The following CNIH3 variants were observed in gnomAD, a reference collection of about 807,000 sequenced individuals.
The protein encoded by CNIH3 is protein cornichon homolog 3.
A neutral mutation model predicts 24.1 loss-of-function variants in CNIH3; 14 were observed. That is an observed-to-expected ratio of 0.58 (90% CI 0.38 to 0.91). CNIH3 has a LOEUF of 0.91. Ranked by LOEUF, CNIH3 falls within the 40% of genes least tolerant of loss-of-function variation. CNIH3 has a pLI of 0.00. For missense variants in CNIH3, 178 were observed against 196.8 expected (o/e 0.90, Z 0.57); for synonymous variants, 68 against 73.8 (o/e 0.92, Z 0.40).
intron 1 of CNIH3, among the ~76,000 whole-genome samples, chr1:224,453,852 G>C (rs191566501): frequency 6.6e-6 from 1 of 152,040 alleles, no homozygotes; most frequent in Middle Eastern, 3.2e-3. Flanking sequence ...GAAGAAAAGT[G>C]AAACAAAGAG....
intron 5 of CNIH3, among the ~76,000 whole-genome samples, chr1:224,737,382 G>A (rs1229844917): frequency 6.6e-6 from 1 of 152,156 alleles, no homozygotes; most frequent in Non-Finnish European, 1.5e-5. Flanking sequence ...TAATCACTCT[G>A]TTTCTAAAAC....
chr1:224,661,735 G>T, intron 1 of CNIH3: 1 of 197,452 alleles, frequency 5.1e-6, no homozygotes, highest in Non-Finnish European at 1.1e-5. Flanking sequence ...AGCACCTCAC[G>T]TCTCGGCTAC....
At chr1:224,487,771 T>TC (rs1292780422) in intron 1 of CNIH3, among the ~76,000 whole-genome samples, 1 of 152,182 alleles carries the variant, frequency 6.6e-6, no homozygotes, top group African/African-American at 2.4e-5. Context: ...TCACTCTGGA[T>TC]CACAATGTTA....
chr1:224,491,363 G>A (rs1677228792), intron 1 of CNIH3, among the ~76,000 whole-genome samples: 2 of 152,162 alleles, frequency 1.3e-5, no homozygotes, highest in Admixed American at 1.3e-4. Flanking sequence ...GCTGGAACCG[G>A]CTCATACTGG....
chr1:224,532,268 A>G (rs1181186867), intron 2 of CNIH3, among the ~76,000 whole-genome samples: 1 of 152,174 alleles, frequency 6.6e-6, no homozygotes, highest in Non-Finnish European at 1.5e-5. Flanking sequence ...ACAGAGACCC[A>G]GTGTCTGGAG....
intron 3 of CNIH3, among the ~76,000 whole-genome samples, chr1:224,721,945 A>G (rs1186703656): frequency 1.3e-5 from 2 of 152,182 alleles, no homozygotes; most frequent in Admixed American, 1.3e-4. Context: ...GGACCCCAGG[A>G]AGCCTCAGGG....
chr1:224,583,039 T>A (rs1681344089), intron 4 of CNIH3: 1 of 152,232 alleles, frequency 6.6e-6, no homozygotes, highest in Non-Finnish European at 1.5e-5. Flanking sequence ...AAGTGGATTA[T>A]GGAGATGCAA....
intron 1 of CNIH3, chr1:224,661,314 A>T (rs1028298116): frequency 3.7e-5 from 11 of 294,118 alleles, no homozygotes; most frequent in South Asian, 3.3e-4. Flanking sequence ...CCATTTCAGT[A>T]GAAGTTGATA....
chr1:224,558,025 C>A (rs530109579), intron 3 of CNIH3, among the ~76,000 whole-genome samples: 3 of 152,214 alleles, frequency 2.0e-5, no homozygotes, highest in African/African-American at 7.2e-5. Context: ...AATTTAGTGA[C>A]TTCAAACAAC....
intron 4 of CNIH3, among the ~76,000 whole-genome samples, chr1:224,579,071 T>C (rs1414950759): frequency 6.6e-6 from 1 of 151,816 alleles, no homozygotes. Context: ...TTTTTTCTTT[T>C]TTTTTTTTTC....
intron 3 of CNIH3, among the ~76,000 whole-genome samples, chr1:224,607,476 T>C (rs938347795): frequency 2.6e-5 from 4 of 152,236 alleles, no homozygotes; most frequent in African/African-American, 9.6e-5. Context: ...TTACTGAATC[T>C]ACATTTTTCA....
chr1:224,529,130 G>T (rs940475234), intron 2 of CNIH3: 1 of 152,238 alleles, frequency 6.6e-6, no homozygotes, highest in East Asian at 1.9e-4. Flanking sequence ...TGAGTCATAG[G>T]TCAGGTGGCC....
At chr1:224,445,386 G>C (rs753995265) in intron 1 of CNIH3, among the ~76,000 whole-genome samples, 2 of 151,614 alleles carry the variant, frequency 1.3e-5, no homozygotes, top group Non-Finnish European at 1.5e-5. Flanking sequence ...AATCAGCCTG[G>C]CCAACATGGT....
chr1:224,606,391 G>A (rs1238601706), intron 3 of CNIH3, among the ~76,000 whole-genome samples: 2 of 152,162 alleles, frequency 1.3e-5, no homozygotes, highest in Non-Finnish European at 2.9e-5. Flanking sequence ...GAGCTGGAAA[G>A]GGGATGGAGT....
At chr1:224,466,210 A>G (rs887121486) in intron 1 of CNIH3, among the ~76,000 whole-genome samples, 1 of 152,130 alleles carries the variant, frequency 6.6e-6, no homozygotes, top group African/African-American at 2.4e-5. Context: ...GACCCATTTC[A>G]TCACCATAAG....
At chr1:224,581,656 C>G (rs1681278410) in intron 4 of CNIH3, among the ~76,000 whole-genome samples, 1 of 152,096 alleles carries the variant, frequency 6.6e-6, no homozygotes, top group Non-Finnish European at 1.5e-5. Flanking sequence ...TAGTTGGCAT[C>G]ATGAGAGAAA....
chr1:224,638,014 T>C (rs1220880052), intron 1 of CNIH3, among the ~76,000 whole-genome samples: 11 of 152,262 alleles, frequency 7.2e-5, no homozygotes, highest in African/African-American at 2.4e-4. Flanking sequence ...CTGTTTATAA[T>C]GTCTCCAATA....
chr1:224,705,810 T>C lies in CNIH3; in HGVS notation c.198+20967T>C, dbSNP rs1237734559. Among the ~76,000 whole-genome samples the C allele has an allele frequency of 2.6e-5, 4 of 152,074 alleles. No homozygotes were observed. In the East Asian group the frequency reaches 7.7e-4, roughly 29 times the overall value. On this transcript the variant is annotated intron_variant, in intron 3 of 5. Coordinates refer to ENST00000272133, the MANE Select transcript of CNIH3 (RefSeq NM_152495.2). Reference sequence around the variant, plus strand: ...CATCTTCCTTCTTCCTTCACTTTTTTTTCTCTTTCTCTTTTTCTTTTCTTT... The same window carrying C: ...CATCTTCCTTCTTCCTTCACTTTTTCTTCTCTTTCTCTTTTTCTTTTCTTT...
chr1:224,708,045 C>T (rs960017167), intron 3 of CNIH3, among the ~76,000 whole-genome samples: 8 of 152,150 alleles, frequency 5.3e-5, no homozygotes, highest in African/African-American at 2.4e-5. Flanking sequence ...TCTCTGGTCA[C>T]GCTGCCTCCA....
Sources: gnomAD v4.1 joint callset for allele counts (sites outside exome capture counted in the v4.1 genomes callset) on GRCh38, gnomAD v4.1.1 for gene constraint, MANE v1.5 for transcripts, NCBI Gene and HGNC (gene_info 2026-07-23, HGNC 2026-07-21) for gene names.